The following CFAP74 variants were observed in gnomAD, a reference collection of about 807,000 sequenced individuals.
The protein encoded by CFAP74 is cilia- and flagella-associated protein 74.
CFAP74 carries 124 observed loss-of-function variants against 188.9 expected under a neutral mutation model. The observed-to-expected ratio is 0.66, with a 90% CI of 0.57 to 0.76. CFAP74 has a LOEUF of 0.76. Among genes scored for constraint, CFAP74 ranks in the 30% least tolerant of loss-of-function variants. The probability of loss-of-function intolerance (pLI) is 0.00; values close to 1 mark genes in which losing one functional copy is unlikely to be tolerated. For missense variants in CFAP74, 2,198 were observed against 2,165.2 expected, an observed-to-expected ratio of 1.02 and a Z score of -0.30; for synonymous variants, 956 against 916.7, an observed-to-expected ratio of 1.04 and a Z score of -0.77.
rs1237953250 is a variant in CFAP74 at position 1,949,024 on chromosome 1, TTCTC to T, written c.2177-1974_2177-1971del. Among the ~76,000 whole-genome samples, 5 of 99,766 alleles carry T rather than the reference TTCTC, an allele frequency of 5.0e-5. No homozygotes were observed. The East Asian group carries it at 1.8e-3, about 37-fold the overall frequency. The allele number at this position is 99,766 out of a possible 152,430, so 65.5% of individuals were successfully genotyped here. ...CTTCCTTCCCCTTCCCCTTCCTTCC[TTCTC>T]TCCCTCCCTCCTTCCTTCCCTCCTT... On this transcript the variant is annotated intron_variant, in intron 18 of 38. Coordinates refer to ENST00000682832, the MANE Select transcript of CFAP74 (RefSeq NM_001304360.2).
At chr1:1,995,546 G>T (rs1282325243) in intron 1 of CFAP74, among the ~76,000 whole-genome samples, 2 of 150,904 alleles carry the variant, frequency 1.3e-5, no homozygotes, top group African/African-American at 4.9e-5. Flanking sequence ...AAACTTTCAG[G>T]TTAAAACCTA....
chr1:1,974,639 G>A (rs113558817), intron 6 of CFAP74, among the ~76,000 whole-genome samples: 2 of 152,226 alleles, frequency 1.3e-5, no homozygotes, highest in Middle Eastern at 3.2e-3. Context: ...GGGCTATGGA[G>A]CGTGGAGTCA....
In CFAP74 at chr1:1,968,199, G is replaced by A. The variant is rs1570936833; in HGVS notation, c.1245+436C>T. The stretch of plus-strand genomic sequence containing the variant: ...GAGTGAGTGAATGAATGAGTGATAG[G>A]AAAGCTGTCCTCTAGGTGCTATCAG... On this transcript the variant is annotated intron_variant, in intron 11 of 38. Coordinates refer to ENST00000682832, the MANE Select transcript of CFAP74 (RefSeq NM_001304360.2). This position sits in a 1 kb window ranked among gnomAD's most constrained non-coding sequence, Gnocchi z 4.3. Among the ~76,000 whole-genome samples, 2 of 152,320 alleles carry A rather than the reference G, an allele frequency of 1.3e-5. No individual in the cohort carries two copies. The highest frequency in any genetic ancestry group is 2.1e-4 in the South Asian group (1 of 4,832).
In CFAP74 at chr1:1,928,056, G is replaced by T. The variant is rs567264003; in HGVS notation, c.3388-310C>A. 3.1e-5 allele frequency: 13 copies of T among 421,006 alleles called. No individual in the cohort carries two copies. The East Asian group carries it at 4.9e-4, about 16-fold the overall frequency. 26.1% of individuals were successfully genotyped at this position (421,006 alleles called of 1,614,324 possible). On this transcript the variant is annotated intron_variant, in intron 27 of 38. Coordinates refer to ENST00000682832, the MANE Select transcript of CFAP74 (RefSeq NM_001304360.2). ...TCCCCTATCTTCACCGCGGAAGGCC[G>T]AAGGCAAGTGCTTCCCCTCGAGTGC...
chr1:1,936,675 G>A (rs1163079223), intron 25 of CFAP74, among the ~76,000 whole-genome samples: 2 of 152,182 alleles, frequency 1.3e-5, no homozygotes, highest in African/African-American at 4.8e-5. Flanking sequence ...AGGCTGAAGC[G>A]GGAGGATCGC....
intron 10 of CFAP74, among the ~76,000 whole-genome samples, chr1:1,969,761 G>A (rs1655796353): frequency 6.6e-6 from 1 of 152,204 alleles, no homozygotes; most frequent in African/African-American, 2.4e-5. Context: ...GTGACTCAGG[G>A]GGGTGGGGAG....
At chr1:1,948,923 T>C (rs1558014823) in intron 18 of CFAP74, among the ~76,000 whole-genome samples, 4 of 15,648 alleles carry the variant, frequency 2.6e-4, no homozygotes, top group East Asian at 4.6e-3. Context: ...TCCCTTTCCT[T>C]CCTTCCTCTT....
At chr1:1,981,313 C>T (rs1656828215) in intron 6 of CFAP74, among the ~76,000 whole-genome samples, 1 of 152,222 alleles carries the variant, frequency 6.6e-6, no homozygotes. Flanking sequence ...GAGACCTTGA[C>T]TGCGAGAGGG....
chr1:1,922,916 T>C, intron 37 of CFAP74, 69 bp downstream of exon 37: 2 of 1,513,482 alleles, frequency 1.3e-6, no homozygotes, highest in Non-Finnish European at 1.8e-6. Context: ...GCCAGGAGGG[T>C]CAGGGCTGCC....
intron 24 of CFAP74, 126 bp from the exon 25 acceptor site, chr1:1,939,114 G>A: frequency 2.0e-6 from 2 of 1,017,794 alleles, no homozygotes; most frequent in Non-Finnish European, 2.9e-6. Context: ...GAGGGTGAGA[G>A]TGTCGCTGTC....
At chr1:1,962,604 G>GC (rs544961122) in intron 14 of CFAP74, among the ~76,000 whole-genome samples, 18 of 152,192 alleles carry the variant, frequency 1.2e-4, no homozygotes, top group African/African-American at 3.6e-4. Flanking sequence ...AAGAAAATGG[G>GC]CCAGGCACAG....
intron 2 of CFAP74, among the ~76,000 whole-genome samples, chr1:1,989,576 T>G (rs530013048): frequency 6.6e-6 from 1 of 152,302 alleles, no homozygotes; most frequent in African/African-American, 2.4e-5. Context: ...TCCTCCCACC[T>G]CAGCCTCCCG....
At position 1,985,466 on chromosome 1, in the gene CFAP74, G is replaced by A. The variant is rs267598254; in HGVS notation, c.420C>T (p.Ala140=). The A allele has an allele frequency of 9.9e-5, 159 of 1,613,904 alleles. No individual in the cohort carries two copies. The African/African-American group carries it at 1.1e-3, about 11-fold the overall frequency. The change falls in exon 6 of 39, where the codon GCC becomes GCT. Residue 140 remains alanine (A), a synonymous_variant. Coordinates refer to ENST00000682832, the MANE Select transcript of CFAP74 (RefSeq NM_001304360.2). The part of the protein sequence containing the change: ...GNMAAVGRLQ[A]VSRRLFAELE... Reference sequence around the variant, plus strand: ...GCTCTGCAAACAGGCGTCTGGACACGGCCTGGAGGCGGCCCACAGCGGCCC... The same window carrying A: ...GCTCTGCAAACAGGCGTCTGGACACAGCCTGGAGGCGGCCCACAGCGGCCC...
chr1:1,946,940 G>A (rs1439372607), intron 19 of CFAP74, 50 bp downstream of exon 19: 1 of 1,391,410 alleles, frequency 7.2e-7, no homozygotes, highest in Non-Finnish European at 9.8e-7. Context: ...GGGGGAAGGT[G>A]GGCGGTGTCT....
chr1:1,955,727 T>C lies in CFAP74; in HGVS notation c.2140A>G (p.Lys714Glu), dbSNP rs534476358. The C allele has an allele frequency of 6.2e-7, 1 of 1,614,164 alleles. No homozygotes were observed. Among genetic ancestry groups the C allele is most frequent in the South Asian group, 1.1e-5 (1 of 91,084 alleles). ...ADMQSRKELEKLDKEQEEEQP... is the reference protein window; with the variant it reads ...ADMQSRKELEELDKEQEEEQP... ...TCCTCCTCCTGCTCCTTGTCCAGCT[T>C]CTCCAGCTCCTTCCGGCTCTGCATG... is the stretch of plus-strand genomic sequence containing the variant. The change falls in exon 18 of 39, where the codon AAG (lysine) becomes GAG (glutamate). Residue 714 changes from lysine to glutamate, a missense_variant. Lys to Glu is a moderately conservative substitution (Grantham distance 56). Transcript: ENST00000682832.
At position 1,925,901 on chromosome 1, in the gene CFAP74, G is replaced by C; in HGVS notation, c.3986C>G (p.Thr1329Arg). The part of the protein sequence containing the change: ...ETLDIITKRG[T>R]LTLTLMGTGV... ...AGTGCCCATGAGGGTGAGGGTGAGC[G>C]TGCCTCTCTTGGTGATGATGTCCAG... Residue 1329 changes from threonine (T) to arginine (R), a missense_variant, in exon 33 of 39, where the codon ACG (threonine) becomes AGG (arginine). Coordinates refer to ENST00000682832, the MANE Select transcript of CFAP74 (RefSeq NM_001304360.2). 6.2e-7 allele frequency: 1 copy of C among 1,612,410 alleles called. No homozygotes were observed. Among genetic ancestry groups the C allele is most frequent in the Non-Finnish European group, 8.5e-7 (1 of 1,179,788 alleles).
At chr1:1,948,968 T>TTCCTTTC (rs1654005511) in intron 18 of CFAP74, among the ~76,000 whole-genome samples, 1 of 64,858 alleles carries the variant, frequency 1.5e-5, no homozygotes, top group Non-Finnish European at 2.8e-5. Flanking sequence ...CTCCCTTCCT[T>TTCCTTTC]CCTCCTTCCC....
intron 6 of CFAP74, among the ~76,000 whole-genome samples, chr1:1,982,120 A>G (rs1302810952): frequency 1.5e-5 from 2 of 131,376 alleles, no homozygotes; most frequent in Non-Finnish European, 1.6e-5. Flanking sequence ...AGACACGGTG[A>G]CACACAGGAC....
At chr1:1,926,844 C>T (rs1440771063) in intron 29 of CFAP74, 50 bp downstream of exon 29, 9 of 1,549,250 alleles carry the variant, frequency 5.8e-6, no homozygotes, top group South Asian at 1.2e-5. Flanking sequence ...AGCAGAGGGA[C>T]AGCGCGTTTG....
Sources: allele counts gnomAD v4.1 joint callset (sites outside exome capture counted in the v4.1 genomes callset), GRCh38; gene constraint gnomAD v4.1.1; non-coding constraint Gnocchi (gnomAD v3.1); transcripts MANE v1.5; gene names NCBI Gene and HGNC (gene_info 2026-07-23, HGNC 2026-07-21).